The following MYH11 variants were observed in gnomAD, a reference collection of about 807,000 sequenced individuals.
The protein encoded by MYH11 is myosin heavy chain 11, also known as myosin-11.
In MYH11, 80 loss-of-function variants were observed where a neutral mutation model predicts 246.6. The ratio of observed to expected loss-of-function variants is 0.32; its 90% CI spans 0.27 to 0.39. The LOEUF is 0.39. MYH11 is among the 10% of genes least tolerant of loss of function. MYH11 has a pLI of 1.00. For synonymous variants in MYH11, 1,071 were observed against 1,015.5 expected (o/e 1.05, Z -1.04); for missense variants, 2,158 against 2,546.8 (o/e 0.85, Z 3.29).
intron 40 of MYH11, among the ~76,000 whole-genome samples, chr16:15,707,866 G>C (rs921293895): frequency 6.6e-6 from 1 of 150,820 alleles, no homozygotes; most frequent in Non-Finnish European, 1.5e-5. Context: ...CAGCTACTCA[G>C]AAGGCTGAGG....
Position 15,845,693 on chromosome 16 carries a change from C to CGT in MYH11, c.-17-7426_-17-7425dup, listed in dbSNP as rs921242224. Among the ~76,000 whole-genome samples, 726 of 145,430 alleles carry CGT rather than the reference C, an allele frequency of 5.0e-3. 4 individuals carry two copies. Among genetic ancestry groups the CGT allele is most frequent in the Middle Eastern group, 0.018 (5 of 282 alleles). On this transcript the variant is annotated intron_variant, in intron 1 of 40. Coordinates refer to ENST00000300036, the MANE Select transcript of MYH11 (RefSeq NM_002474.3). ...TGTTTCTTAAGGTGTCGCAGCAGAT[C>CGT]GTGTGTGTGTGTGTGAGAGAGAGAG...
intron 40 of MYH11, chr16:15,714,587 G>T (rs1258493129): frequency 4.0e-6 from 2 of 496,354 alleles, no homozygotes; most frequent in Non-Finnish European, 7.3e-6. Context: ...ATGTCGTGAA[G>T]ACTCAGTGAT....
intron 3 of MYH11, among the ~76,000 whole-genome samples, chr16:15,818,769 G>T (rs2043327472): frequency 6.6e-6 from 1 of 152,062 alleles, no homozygotes; most frequent in African/African-American, 2.4e-5. Flanking sequence ...TCAATGATTT[G>T]CCAGAAAGCA....
At chr16:15,789,721 G>C in intron 4 of MYH11, among the ~76,000 whole-genome samples, 1 of 152,282 alleles carries the variant, frequency 6.6e-6, no homozygotes, top group South Asian at 2.1e-4. Flanking sequence ...TCAGGCTAAC[G>C]TCAGAACCTT....
intron 4 of MYH11, among the ~76,000 whole-genome samples, chr16:15,793,722 C>G (rs2042673329): frequency 6.7e-6 from 1 of 149,150 alleles, no homozygotes; most frequent in Non-Finnish European, 1.5e-5. Context: ...CAGGTTCACG[C>G]CATTCTCCTG....
At chr16:15,755,835 G>A (rs964873814) in intron 14 of MYH11, among the ~76,000 whole-genome samples, 1 of 152,202 alleles carries the variant, frequency 6.6e-6, no homozygotes, top group African/African-American at 2.4e-5. Context: ...GGGAGGCTGA[G>A]GCAGGAGAAT....
chr16:15,772,420 A>G (rs2042125637), intron 8 of MYH11, among the ~76,000 whole-genome samples: 3 of 152,228 alleles, frequency 2.0e-5, no homozygotes, highest in Non-Finnish European at 1.5e-5. Context: ...AATTTTTATC[A>G]AATTCAAACA....
intron 2 of MYH11, among the ~76,000 whole-genome samples, chr16:15,830,511 A>G (rs916036232): frequency 6.6e-6 from 1 of 152,122 alleles, no homozygotes; most frequent in African/African-American, 2.4e-5. Flanking sequence ...ATTGAGACGC[A>G]CAACAGCCGG....
chr16:15,798,535 G>C lies in MYH11; in HGVS notation c.530+125C>G, dbSNP rs914214533. On this transcript the variant is annotated intron_variant, in intron 4 of 40. Coordinates refer to ENST00000300036, the MANE Select transcript of MYH11 (RefSeq NM_002474.3). ...GTGCCAGGTATAAAGAGAGGCACTT[G>C]GAACCATGAACAAATCAAAGATCTC... 7.9e-6 allele frequency: 8 copies of C among 1,007,990 alleles called. No individual in the cohort carries two copies. The African/African-American group carries it at 1.4e-4, about 18-fold the overall frequency. 62.4% of individuals were successfully genotyped at this position (1,007,990 alleles called of 1,614,324 possible).
At chr16:15,849,630 T>C (rs2044281222) in intron 1 of MYH11, among the ~76,000 whole-genome samples, 1 of 152,104 alleles carries the variant, frequency 6.6e-6, no homozygotes, top group African/African-American at 2.4e-5. Flanking sequence ...TTGCATTTTT[T>C]TGTAGAGACA....
At chr16:15,832,828 C>G (rs1596924795) in intron 2 of MYH11, among the ~76,000 whole-genome samples, 2 of 151,950 alleles carry the variant, frequency 1.3e-5, no homozygotes, top group African/African-American at 4.8e-5. Flanking sequence ...GAGCCCTTTG[C>G]TACTAATCAT....
chr16:15,845,262 A>T (rs1210325382), intron 1 of MYH11, among the ~76,000 whole-genome samples: 1 of 151,316 alleles, frequency 6.6e-6, no homozygotes, highest in Non-Finnish European at 1.5e-5. Flanking sequence ...ATACAAATTC[A>T]TAAACTTTCT....
At chr16:15,757,726 T>C in intron 13 of MYH11, 101 bp downstream of exon 13, 1 of 1,441,190 alleles carries the variant, frequency 6.9e-7, no homozygotes, top group South Asian at 1.2e-5. Flanking sequence ...GGTGGGGGAA[T>C]GCTATGTGCA....
At chr16:15,704,860 T>C (rs187165325) in intron 40 of MYH11, among the ~76,000 whole-genome samples, 1 of 152,316 alleles carries the variant, frequency 6.6e-6, no homozygotes, top group East Asian at 1.9e-4. Flanking sequence ...TTTTATTAAA[T>C]TGAGATGAGG....
intron 4 of MYH11, among the ~76,000 whole-genome samples, chr16:15,789,198 A>T (rs1004061923): frequency 1.4e-4 from 21 of 152,166 alleles, no homozygotes; most frequent in African/African-American, 3.9e-4. Flanking sequence ...ATTCTAATGC[A>T]GTCAGAATTC....
intron 8 of MYH11, chr16:15,775,837 A>C (rs932415815): frequency 2.2e-5 from 13 of 584,312 alleles, no homozygotes; most frequent in Non-Finnish European, 1.5e-5. Flanking sequence ...TTAATGATCT[A>C]ATGTCTAATT....
rs1205372654 is a variant in MYH11 at position 15,715,158 on chromosome 16, G to T, written c.5613+6C>A. ...GGCTCGAGGGAGGCTGGGTGGCAGG[G>T]GCTACCTGCTCCTTGTACTGCTCGG... On this transcript the variant is annotated splice_donor_region_variant and intron_variant, in intron 39 of 40. Coordinates refer to ENST00000300036, the MANE Select transcript of MYH11 (RefSeq NM_002474.3). 1 of 1,613,382 alleles carries T rather than the reference G, an allele frequency of 6.2e-7. No homozygotes were observed.
intron 7 of MYH11, among the ~76,000 whole-genome samples, chr16:15,777,037 T>C (rs913631205): frequency 2.6e-5 from 4 of 152,140 alleles, no homozygotes; most frequent in African/African-American, 9.7e-5. Context: ...CCACAGCCCA[T>C]GTCCAATCTG....
At chr16:15,776,766 A>G (rs1417089804) in intron 7 of MYH11, among the ~76,000 whole-genome samples, 1 of 152,170 alleles carries the variant, frequency 6.6e-6, no homozygotes, top group East Asian at 1.9e-4. Flanking sequence ...GGCGAGAGAG[A>G]CCGTAAACAC....
Sources: gnomAD v4.1 joint callset for allele counts (sites outside exome capture counted in the v4.1 genomes callset) on GRCh38, gnomAD v4.1.1 for gene constraint, MANE v1.5 for transcripts, NCBI Gene and HGNC (gene_info 2026-07-23, HGNC 2026-07-21) for gene names.